THSD4: variants seen among roughly 807,000 people sequenced by gnomAD.
THSD4 encodes thrombospondin type 1 domain containing 4.
THSD4 carries 69 observed loss-of-function variants against 119.0 expected under a neutral mutation model. The observed-to-expected ratio is 0.58, with a 90% CI of 0.48 to 0.71. THSD4 has a LOEUF of 0.71. Ranked by LOEUF, THSD4 falls within the 30% of genes least tolerant of loss-of-function variation. THSD4 has a pLI of 0.00. For synonymous variants in THSD4, 524 were observed against 540.4 expected (o/e 0.97, Z 0.42); for missense variants, 1,393 against 1,391.1 (o/e 1.00, Z -0.02).
chr15:71,593,917 C>G (rs192442886), intron 7 of THSD4, among the ~76,000 whole-genome samples: 3 of 150,310 alleles, frequency 2.0e-5, no homozygotes, highest in Admixed American at 6.6e-5. Context: ...TTCCCACCCC[C>G]CCGGCAAAAA....
intron 6 of THSD4, among the ~76,000 whole-genome samples, chr15:71,269,348 C>T (rs1422745436): frequency 4.6e-5 from 7 of 152,126 alleles, no homozygotes. Context: ...ATGACAAAAA[C>T]CACATGATTA....
At chr15:71,633,597 G>T (rs542652663) in intron 7 of THSD4, among the ~76,000 whole-genome samples, 1 of 152,122 alleles carries the variant, frequency 6.6e-6, no homozygotes, top group South Asian at 2.1e-4. Context: ...TCTTTTGAAG[G>T]GACAAATTTG....
rs1018258166 is a variant in THSD4 at position 71,780,088 on chromosome 15, G to A, written c.*2714G>A. 2.0e-5 allele frequency: 3 copies of A among 152,278 alleles called. No homozygotes were observed. Among genetic ancestry groups the A allele is most frequent in the African/African-American group, 7.2e-5 (3 of 41,406 alleles). 9.4% of individuals were successfully genotyped at this position (152,278 alleles called of 1,614,324 possible). A position where few individuals can be genotyped will look rare whatever the true frequency, so the allele number is the denominator to read the frequency against. On this transcript the variant is annotated 3_prime_UTR_variant, in exon 18 of 18. Coordinates refer to ENST00000261862, the MANE Select transcript of THSD4 (RefSeq NM_024817.3). Reference sequence around the variant, plus strand: ...TTTCCTTGGAGAGGATCTAAGAAAAGCCCAGATTTCGGTAGCCATCTCCCT... The same window carrying A: ...TTTCCTTGGAGAGGATCTAAGAAAAACCCAGATTTCGGTAGCCATCTCCCT...
At chr15:71,369,723 G>A (rs887681221) in intron 6 of THSD4, among the ~76,000 whole-genome samples, 25 of 152,174 alleles carry the variant, frequency 1.6e-4, no homozygotes, top group African/African-American at 6.0e-4. Flanking sequence ...TGTTCATCAA[G>A]GATATTGGTC....
At chr15:71,246,922 C>T (rs772481703) in intron 5 of THSD4, among the ~76,000 whole-genome samples, 51 of 134,978 alleles carry the variant, frequency 3.8e-4, no homozygotes, top group Non-Finnish European at 6.6e-4. Context: ...TAGAGTCTTG[C>T]TCTGTTGCCC....
chr15:71,734,416 G>A (rs2053041506), intron 10 of THSD4, among the ~76,000 whole-genome samples: 2 of 152,290 alleles, frequency 1.3e-5, no homozygotes, highest in South Asian at 4.1e-4. Context: ...CCTATTGTTT[G>A]ATTCCAACTA....
At chr15:71,712,686 A>G (rs779581332) in intron 8 of THSD4, among the ~76,000 whole-genome samples, 57 of 152,232 alleles carry the variant, frequency 3.7e-4, no homozygotes, top group Non-Finnish European at 6.8e-4. Context: ...GTACAACCCA[A>G]CTATTCCTCA....
At position 71,748,425 on chromosome 15, in the gene THSD4, C is replaced by T. The variant is rs567876615; in HGVS notation, c.2246C>T (p.Ser749Leu). Residue 749 changes from serine (S) to leucine (L), a missense_variant, in exon 14 of 18, where the codon TCG (serine) becomes TTG (leucine). Physicochemically the swap from Ser to Leu is moderately radical, Grantham distance 145. Coordinates refer to ENST00000261862, the MANE Select transcript of THSD4 (RefSeq NM_024817.3). ...CGTCAGTGTGCTGTGTTTCAGTGCT[C>T]GGTGCCCTGCGGCGTGGGACAGAGG... ...WQIRTDWTSCSVPCGVGQRTR... is the reference protein window; with the variant it reads ...WQIRTDWTSCLVPCGVGQRTR... 115 of 1,614,030 alleles carry T rather than the reference C, an allele frequency of 7.1e-5. No individual in the cohort carries two copies. The South Asian group carries it at 1.1e-3, about 15-fold the overall frequency.
intron 7 of THSD4, among the ~76,000 whole-genome samples, chr15:71,468,591 TA>T (rs1191969590): frequency 6.6e-6 from 1 of 152,210 alleles, no homozygotes; most frequent in African/African-American, 2.4e-5. Flanking sequence ...AAATAATATG[TA>T]AATATAATAA....
chr15:71,467,951 C>A (rs2047523610), intron 7 of THSD4, among the ~76,000 whole-genome samples: 1 of 151,544 alleles, frequency 6.6e-6, no homozygotes, highest in African/African-American at 2.4e-5. Context: ...CAGGTTCAAG[C>A]AATTCTCCTG....
At chr15:71,611,686 G>A (rs1016433990) in intron 7 of THSD4, among the ~76,000 whole-genome samples, 1 of 152,218 alleles carries the variant, frequency 6.6e-6, no homozygotes, top group African/African-American at 2.4e-5. Flanking sequence ...GCCTGGGGTG[G>A]CCAGGAAAGG....
intron 7 of THSD4, among the ~76,000 whole-genome samples, chr15:71,652,284 C>T (rs1208017478): frequency 3.9e-5 from 6 of 152,126 alleles, no homozygotes; most frequent in Non-Finnish European, 8.8e-5. Context: ...CCTCCTGAGA[C>T]ACTAAAAAAT....
intron 7 of THSD4, among the ~76,000 whole-genome samples, chr15:71,490,330 G>A (rs1276676779): frequency 2.0e-5 from 3 of 152,080 alleles, no homozygotes; most frequent in South Asian, 4.1e-4. Context: ...GGACGCCAAG[G>A]CAGGCAGATC....
At chr15:71,186,877 A>G (rs903565420) in intron 3 of THSD4, 2 of 152,234 alleles carry the variant, frequency 1.3e-5, no homozygotes, top group Non-Finnish European at 2.9e-5. Flanking sequence ...TTGCTTAATT[A>G]ACTAGTCATC....
chr15:71,431,965 A>G (rs1017960070), intron 7 of THSD4, among the ~76,000 whole-genome samples: 1 of 152,160 alleles, frequency 6.6e-6, no homozygotes, highest in East Asian at 1.9e-4. Flanking sequence ...TTCAGAAGTC[A>G]ATGGTGGATT....
At chr15:71,119,889 G>A (rs1018964347) in intron 1 of THSD4, among the ~76,000 whole-genome samples, 3 of 152,184 alleles carry the variant, frequency 2.0e-5, no homozygotes, top group South Asian at 4.1e-4. Flanking sequence ...TTCCCCATGT[G>A]TAACAAGAGG....
At chr15:71,319,946 T>C (rs534862110) in intron 6 of THSD4, among the ~76,000 whole-genome samples, 1 of 152,350 alleles carries the variant, frequency 6.6e-6, no homozygotes, top group South Asian at 2.1e-4. Context: ...GAATTATAAA[T>C]CTTTAAAAGG....
intron 7 of THSD4, among the ~76,000 whole-genome samples, chr15:71,619,704 C>T (rs2050387086): frequency 6.6e-6 from 1 of 152,158 alleles, no homozygotes; most frequent in Non-Finnish European, 1.5e-5. Flanking sequence ...CATGTAACTC[C>T]AAACAGAACA....
At chr15:71,441,371 T>C (rs1344363578) in intron 7 of THSD4, among the ~76,000 whole-genome samples, 3 of 151,092 alleles carry the variant, frequency 2.0e-5, no homozygotes, top group Admixed American at 2.0e-4. Flanking sequence ...AAAGCCTCAG[T>C]GTCCTTGGAG....
Sources: allele counts gnomAD v4.1 joint callset (sites outside exome capture counted in the v4.1 genomes callset), GRCh38; gene constraint gnomAD v4.1.1; transcripts MANE v1.5; gene names NCBI Gene and HGNC (gene_info 2026-07-23, HGNC 2026-07-21).